The following ZNF146 variants were observed in gnomAD, a reference collection of about 807,000 sequenced individuals.
ZNF146 encodes zinc finger protein 146.
Under a neutral mutation model 22.2 loss-of-function variants are expected in ZNF146, and 9 were observed. The ratio of observed to expected loss-of-function variants is 0.41; its 90% CI spans 0.24 to 0.71. The LOEUF (loss-of-function observed/expected upper bound fraction) is 0.71, where lower values mean the gene tolerates loss of function less well. Among genes scored for constraint, ZNF146 ranks in the 30% least tolerant of loss-of-function variants. The probability of loss-of-function intolerance (pLI) is 0.34; values close to 1 mark genes in which losing one functional copy is unlikely to be tolerated. For missense variants in ZNF146, 194 were observed against 344.8 expected, an observed-to-expected ratio of 0.56 and a Z score of 3.46; for synonymous variants, 108 against 119.2, an observed-to-expected ratio of 0.91 and a Z score of 0.61.
rs185637445 is a variant in ZNF146, at chr19:36,219,059, C to T, written c.-855+864C>T. On this transcript the variant is annotated intron_variant, in intron 2 of 3. Coordinates refer to ENST00000443387, the MANE Select transcript of ZNF146 (RefSeq NM_007145.3). ...TCCTGACCTCGTGATCCGCCCACCT[C>T]GGCCTCCCAAAGTGCTGGGATTACA... Among the ~76,000 whole-genome samples the T allele has an allele frequency of 3.7e-3, 565 of 152,216 alleles. 1 individual carries two copies. Among genetic ancestry groups the T allele is most frequent in the Non-Finnish European group, 6.2e-3 (425 of 68,006 alleles).
Position 36,219,353 on chromosome 19 carries a change from T to A in ZNF146, c.-855+1158T>A, listed in dbSNP as rs540912241. ...ATTTTTAAACCTTTTTTTGTAGAGA[T>A]GGAGTCTTACTATGTTGCCCAGGCT... On this transcript the variant is annotated intron_variant, in intron 2 of 3. Transcript: ENST00000443387. Among the ~76,000 whole-genome samples, 6 of 152,098 alleles carry A rather than the reference T, an allele frequency of 3.9e-5. No individual in the cohort carries two copies. The East Asian group carries it at 9.7e-4, about 24-fold the overall frequency.
intron 3 of ZNF146, among the ~76,000 whole-genome samples, chr19:36,231,144 C>T (rs1407161983): frequency 1.3e-5 from 2 of 152,188 alleles, no homozygotes; most frequent in Non-Finnish European, 2.9e-5. Flanking sequence ...AGGTGTATCA[C>T]TTGAGGCCAG....
At chr19:36,229,533 G>A (rs1360513137) in intron 3 of ZNF146, among the ~76,000 whole-genome samples, 2 of 152,048 alleles carry the variant, frequency 1.3e-5, no homozygotes, top group Admixed American at 1.3e-4. Context: ...TTGTGGTCAC[G>A]TTTACGCGTG....
chr19:36,234,506 A>G (rs4315447), intron 3 of ZNF146, among the ~76,000 whole-genome samples: 2 of 151,990 alleles, frequency 1.3e-5, no homozygotes, highest in Admixed American at 6.6e-5. Flanking sequence ...TTTTAAAATT[A>G]CAGAATGTAA....
intron 3 of ZNF146, among the ~76,000 whole-genome samples, chr19:36,233,464 C>G (rs2972542): frequency 0.37 from 56,879 of 151,770 alleles, 10,837 homozygotes; most frequent in South Asian, 0.49. Context: ...AAAAATGGGC[C>G]CAGGGGACCG....
chr19:36,223,399 G>A (rs1175350063), intron 2 of ZNF146, among the ~76,000 whole-genome samples: 3 of 150,988 alleles, frequency 2.0e-5, no homozygotes, highest in African/African-American at 7.3e-5. Flanking sequence ...GTATCTCTCC[G>A]TCCCCCAGGC....
intron 2 of ZNF146, among the ~76,000 whole-genome samples, chr19:36,220,290 T>G (rs1976776477): frequency 6.6e-6 from 1 of 152,110 alleles, no homozygotes; most frequent in South Asian, 2.1e-4. Flanking sequence ...TGAGTCCATA[T>G]TCGTATTTCT....
intron 3 of ZNF146, among the ~76,000 whole-genome samples, chr19:36,235,449 A>G (rs1977611676): frequency 6.6e-6 from 1 of 152,176 alleles, no homozygotes; most frequent in African/African-American, 2.4e-5. Context: ...ATTTAGTTGG[A>G]AGCATTAATA....
At chr19:36,221,015 G>A (rs1167234956) in intron 2 of ZNF146, among the ~76,000 whole-genome samples, 1 of 151,796 alleles carries the variant, frequency 6.6e-6, no homozygotes, top group Non-Finnish European at 1.5e-5. Flanking sequence ...ATGACGCCTA[G>A]CTAATTTTTG....
At position 36,235,678 on chromosome 19, in the gene ZNF146, T is replaced by G. The variant is rs1419431439; in HGVS notation, c.-763T>G. 6.6e-6 allele frequency: 1 copy of G among 152,222 alleles called. No individual in the cohort carries two copies. The highest frequency in any genetic ancestry group is 1.5e-5 in the Non-Finnish European group (1 of 68,048). 9.4% of individuals were successfully genotyped at this position (152,222 alleles called of 1,614,324 possible). A position where few individuals can be genotyped will look rare whatever the true frequency, so the allele number is the denominator to read the frequency against. Reference sequence around the variant, plus strand: ...TTTTAGAAGAAGCCTGAGAAGATGATGCACAGATAGAGAGGCACCAGGACT... The same window carrying G: ...TTTTAGAAGAAGCCTGAGAAGATGAGGCACAGATAGAGAGGCACCAGGACT... On this transcript the variant is annotated 5_prime_UTR_variant, in exon 4 of 4. The change abolishes an upstream ATG in the 5' untranslated region. Coordinates refer to ENST00000443387, the MANE Select transcript of ZNF146 (RefSeq NM_007145.3).
chr19:36,236,535 C>T lies in ZNF146; in HGVS notation c.95C>T (p.Thr32Ile). The T allele has an allele frequency of 6.2e-7, 1 of 1,614,212 alleles. No homozygotes were observed. Among genetic ancestry groups the T allele is most frequent in the African/African-American group, 1.3e-5 (1 of 75,056 alleles). The change falls in exon 4 of 4, where the codon ACT becomes ATT. Residue 32 changes from threonine to isoleucine, a missense_variant. By Grantham distance (89) the Thr-to-Ile change is moderately conservative (BLOSUM62 -1). Transcript: ENST00000443387. ...GKVFSHKSNL[T>I]EHEHFHTREK... The stretch of plus-strand genomic sequence containing the variant: ...GTCTTCAGCCACAAATCAAACCTCA[C>T]TGAGCATGAGCATTTTCACACGAGA...
chr19:36,222,976 C>A (rs1442044569), intron 2 of ZNF146, among the ~76,000 whole-genome samples: 1 of 151,788 alleles, frequency 6.6e-6, no homozygotes, highest in African/African-American at 2.4e-5. Context: ...CACCAAAGAC[C>A]TTTTTATTCA....
At chr19:36,230,220 A>C (rs1055358595) in intron 3 of ZNF146, among the ~76,000 whole-genome samples, 6 of 152,234 alleles carry the variant, frequency 3.9e-5, no homozygotes, top group Admixed American at 6.5e-5. Context: ...CATTGCTCTC[A>C]AAAGAAGTAA....
rs1205999558 is a variant in ZNF146 at position 36,236,137 on chromosome 19, A to G, written c.-304A>G. 1 of 295,102 alleles carries G rather than the reference A, an allele frequency of 3.4e-6. No homozygotes were observed. The highest frequency in any genetic ancestry group is 6.3e-6 in the Non-Finnish European group (1 of 159,394). 18.3% of individuals were successfully genotyped at this position (295,102 alleles called of 1,614,324 possible). A position where few individuals can be genotyped will look rare whatever the true frequency, so the allele number is the denominator to read the frequency against. ...CCTGTGCTTCTAAGGAGTATTGACA[A>G]GCCCTTAGCTAGATGACAATCTCAT... On this transcript the variant is annotated 5_prime_UTR_variant, in exon 4 of 4. Transcript: ENST00000443387.
intron 3 of ZNF146, among the ~76,000 whole-genome samples, chr19:36,233,106 A>C (rs1029062419): frequency 3.3e-5 from 5 of 152,254 alleles, no homozygotes; most frequent in Admixed American, 2.6e-4. Context: ...GCTCCTGGCC[A>C]GGCGTGGTGG....
intron 1 of ZNF146, among the ~76,000 whole-genome samples, chr19:36,215,765 A>G (rs1387262897): frequency 6.6e-6 from 1 of 152,104 alleles, no homozygotes; most frequent in Admixed American, 6.5e-5. Context: ...TAGGGCTGTT[A>G]AGCAAAGCCC....
At chr19:36,218,809 T>C (rs1456073167) in intron 2 of ZNF146, among the ~76,000 whole-genome samples, 2 of 146,730 alleles carry the variant, frequency 1.4e-5, no homozygotes, top group South Asian at 2.1e-4. Flanking sequence ...AAAATTTTCT[T>C]TTTTTTTGGT....
intron 2 of ZNF146, among the ~76,000 whole-genome samples, chr19:36,223,352 A>G (rs1331746600): frequency 6.6e-6 from 1 of 151,886 alleles, no homozygotes; most frequent in Non-Finnish European, 1.5e-5. Flanking sequence ...CAAAAAAAAA[A>G]AAAAATCTAG....
intron 2 of ZNF146, among the ~76,000 whole-genome samples, chr19:36,224,321 G>T (rs1976984363): frequency 6.6e-6 from 1 of 152,194 alleles, no homozygotes; most frequent in South Asian, 2.1e-4. Flanking sequence ...GGCGGAGGTT[G>T]CAGTGAGCTG....
Sources: gnomAD v4.1 joint callset for allele counts (sites outside exome capture counted in the v4.1 genomes callset) on GRCh38, gnomAD v4.1.1 for gene constraint, MANE v1.5 for transcripts, NCBI Gene and HGNC (gene_info 2026-07-23, HGNC 2026-07-21) for gene names.